Variants in NLRP5 observed in about 807,000 individuals in gnomAD.
NLRP5 encodes NACHT, LRR and PYD domains-containing protein 5.
In NLRP5, 93 loss-of-function variants were observed where a neutral mutation model predicts 113.1. That is an observed-to-expected ratio of 0.82 (90% CI 0.70 to 0.98). The LOEUF (loss-of-function observed/expected upper bound fraction) is 0.98, where lower values mean the gene tolerates loss of function less well. Ranked by LOEUF, NLRP5 falls within the 50% of genes least tolerant of loss-of-function variation. The probability of loss-of-function intolerance (pLI) is 0.00; values close to 1 mark genes in which losing one functional copy is unlikely to be tolerated. For missense variants in NLRP5, 1,808 were observed against 1,514.3 expected, an observed-to-expected ratio of 1.19 and a Z score of -3.22; for synonymous variants, 751 against 600.7, an observed-to-expected ratio of 1.25 and a Z score of -3.66.
chr19:56,020,381 C>T lies in NLRP5; in HGVS notation c.629C>T (p.Ser210Leu), dbSNP rs1453888678. ...GGAATTCATTCTTTTGCAGAAATTTCACAAGCTATGGAACAAGAAGGTGCC... is the reference window on the plus strand; with the variant it reads ...GGAATTCATTCTTTTGCAGAAATTTTACAAGCTATGGAACAAGAAGGTGCC... Residue 210 changes from serine (S) to leucine (L), a missense_variant, in exon 6 of 15, where the codon TCA (serine) becomes TTA (leucine). By Grantham distance (145) the Ser-to-Leu change is moderately radical. Transcript: ENST00000390649. The T allele has an allele frequency of 2.5e-6, 4 of 1,612,232 alleles. No homozygotes were observed. Among genetic ancestry groups the T allele is most frequent in the Non-Finnish European group, 3.4e-6 (4 of 1,179,030 alleles).
chr19:56,052,106 A>G lies in NLRP5; in HGVS notation c.3128+1518A>G, dbSNP rs1169071890. Among the ~76,000 whole-genome samples the G allele has an allele frequency of 2.0e-5, 3 of 152,172 alleles. No homozygotes were observed. The East Asian group carries it at 5.8e-4, about 29-fold the overall frequency. ...TCACCATTTATCCATGCTAGCGCCA[A>G]TGACTAGGTCACCCCTACCTGGTCT... On this transcript the variant is annotated intron_variant, in intron 12 of 14. Transcript: ENST00000390649.
At chr19:56,037,950 G>T in intron 9 of NLRP5, 75 bp from the exon 10 acceptor site, 1 of 1,488,164 alleles carries the variant, frequency 6.7e-7, no homozygotes, top group Non-Finnish European at 9.3e-7. Flanking sequence ...AGCGCTGCTG[G>T]CGTGTGCTGA....
At position 56,058,257 on chromosome 19, in the gene NLRP5, T is replaced by C; in HGVS notation, c.3317T>C (p.Leu1106Pro). ...CCCTGCAGGTTGAAGGCATGTGGACTGACTTCTGATTGCTGTGAGGCACTC... is the reference window on the plus strand; with the variant it reads ...CCCTGCAGGTTGAAGGCATGTGGACCGACTTCTGATTGCTGTGAGGCACTC... The change falls in exon 14 of 15, where the codon CTG (leucine) becomes CCG (proline). Residue 1106 changes from leucine to proline, a missense_variant. Physicochemically the swap from Leu to Pro is moderately conservative, Grantham distance 98 (BLOSUM62 -3). Coordinates refer to ENST00000390649, the MANE Select transcript of NLRP5 (RefSeq NM_153447.4). 3 of 1,613,832 alleles carry C rather than the reference T, an allele frequency of 1.9e-6. No individual in the cohort carries two copies. Among genetic ancestry groups the C allele is most frequent in the Non-Finnish European group, 2.5e-6 (3 of 1,179,796 alleles).
Position 56,050,406 on chromosome 19 carries a change from T to C in NLRP5, c.2958-12T>C, listed in dbSNP as rs759806696. On this transcript the variant is annotated splice_polypyrimidine_tract_variant and intron_variant, in intron 11 of 14. Transcript: ENST00000390649. ...GCATCACGATCTTCTTTCCCATGTGTGTGCCCCACAGGCTGAATCAGTGCC... is the reference window on the plus strand; with the variant it reads ...GCATCACGATCTTCTTTCCCATGTGCGTGCCCCACAGGCTGAATCAGTGCC... 3 of 1,612,182 alleles carry C rather than the reference T, an allele frequency of 1.9e-6. No individual in the cohort carries two copies. The highest frequency in any genetic ancestry group is 2.5e-6 in the Non-Finnish European group (3 of 1,179,324).
At chr19:56,000,724 T>C (rs1981613184) in intron 1 of NLRP5, among the ~76,000 whole-genome samples, 1 of 151,236 alleles carries the variant, frequency 6.6e-6, no homozygotes, top group South Asian at 2.1e-4. Context: ...ATATTCAAAC[T>C]TGGTCGGGTG....
At chr19:56,050,099 G>A (rs568150662) in intron 11 of NLRP5, among the ~76,000 whole-genome samples, 32 of 152,010 alleles carry the variant, frequency 2.1e-4, no homozygotes, top group South Asian at 4.2e-4. Context: ...GGTCAACATC[G>A]TAAAACCCCA....
At position 56,053,707 on chromosome 19, in the gene NLRP5, C is replaced by T. The variant is rs764936017; in HGVS notation, c.3198C>T (p.His1066=). The T allele has an allele frequency of 1.5e-5, 24 of 1,613,708 alleles. No individual in the cohort carries two copies. The highest frequency in any genetic ancestry group is 1.1e-4 in the East Asian group (5 of 44,886). Residue 1066 remains histidine, a synonymous_variant, in exon 13 of 15, where the codon CAC becomes CAT. Transcript: ENST00000390649. The stretch of plus-strand genomic sequence containing the variant: ...CCTGTGTGATCTCGAGGAGCAGACA[C>T]CTGAAGAGCCTGGATCTCACGGACA...
At chr19:55,991,615 G>A in the NLRP5 span, among the ~76,000 whole-genome samples, 3 of 152,104 alleles carry the variant, frequency 2.0e-5, no homozygotes, top group African/African-American at 7.2e-5. Flanking sequence ...ATTAGATTTT[G>A]TGTGGGATTT....
chr19:56,027,242 T>G lies in NLRP5; in HGVS notation c.1009T>G (p.Ser337Ala), dbSNP rs930447000. 4 of 1,612,630 alleles carry G rather than the reference T, an allele frequency of 2.5e-6. No homozygotes were observed. The African/African-American group carries it at 4.0e-5, about 16-fold the overall frequency. The change falls in exon 7 of 15, where the codon TCC becomes GCC. Residue 337 changes from serine to alanine, a missense_variant. By Grantham distance (99) the Ser-to-Ala change is moderately conservative. Coordinates refer to ENST00000390649, the MANE Select transcript of NLRP5 (RefSeq NM_153447.4). ...GGAGAGCAGTGTCACAGAGTTCATC[T>G]CCAGGGAGTGGCCAGACTCCCAGGC...
intron 2 of NLRP5, among the ~76,000 whole-genome samples, chr19:56,005,285 AT>A (rs547932123): frequency 2.7e-5 from 4 of 147,558 alleles, no homozygotes; most frequent in Non-Finnish European, 3.0e-5. Flanking sequence ...ATACACATAT[AT>A]TTTTATATAT....
At chr19:56,010,731 T>G in intron 3 of NLRP5, among the ~76,000 whole-genome samples, 3 of 28,872 alleles carry the variant, frequency 1.0e-4, no homozygotes, top group African/African-American at 1.5e-4. Context: ...AACAAGAGCT[T>G]AACTCTGTCT....
At chr19:56,053,052 G>A (rs553613146) in intron 12 of NLRP5, among the ~76,000 whole-genome samples, 10 of 150,454 alleles carry the variant, frequency 6.6e-5, no homozygotes, top group East Asian at 2.0e-4. Flanking sequence ...AGCCGATATC[G>A]TGCCATTGCA....
At position 56,031,291 on chromosome 19, in the gene NLRP5, G is replaced by A. The variant is rs114215287; in HGVS notation, c.2277-1320G>A. Among the ~76,000 whole-genome samples the A allele has an allele frequency of 1.1e-3, 164 of 152,062 alleles. 2 individuals carry two copies. The highest frequency in any genetic ancestry group is 3.6e-3 in the African/African-American group (150 of 41,484). ...CATCTCCCCTGCTCCCCAGGCCCCC[G>A]GCAGCCTCCACTCTACTTTCTGCTA... On this transcript the variant is annotated intron_variant, in intron 7 of 14. Coordinates refer to ENST00000390649, the MANE Select transcript of NLRP5 (RefSeq NM_153447.4).
chr19:56,052,851 G>T (rs974571174), intron 12 of NLRP5, among the ~76,000 whole-genome samples: 2 of 152,170 alleles, frequency 1.3e-5, no homozygotes, highest in African/African-American at 2.4e-5. Context: ...GGCTCTGTCA[G>T]AATCTTTCCA....
chr19:56,009,401 C>T (rs114368513), intron 3 of NLRP5, among the ~76,000 whole-genome samples: 84 of 148,530 alleles, frequency 5.7e-4, no homozygotes, highest in African/African-American at 2.1e-3. Flanking sequence ...TTGAGGACTT[C>T]CCATCGTCTT....
intron 7 of NLRP5, among the ~76,000 whole-genome samples, chr19:56,032,297 A>G (rs1235966650): frequency 6.6e-6 from 1 of 150,790 alleles, no homozygotes; most frequent in Non-Finnish European, 1.5e-5. Context: ...GTGAGCCGAG[A>G]TTGCGCCACT....
chr19:55,989,743 G>T, the NLRP5 span, among the ~76,000 whole-genome samples: 103 of 152,274 alleles, frequency 6.8e-4, 1 homozygote, highest in African/African-American at 2.3e-3. Context: ...TTTTAAGGAT[G>T]CAGGGCACGT....
At chr19:56,002,293 C>A (rs527723435) in intron 1 of NLRP5, among the ~76,000 whole-genome samples, 1 of 152,194 alleles carries the variant, frequency 6.6e-6, no homozygotes, top group Admixed American at 6.5e-5. Flanking sequence ...AGATATAAAT[C>A]CCTTATCAGA....
upstream of NLRP5, among the ~76,000 whole-genome samples, chr19:55,998,728 A>ATGTG (rs1555762463): frequency 1.5e-5 from 2 of 130,328 alleles, no homozygotes; most frequent in Admixed American, 1.6e-4. Context: ...ATATATATAT[A>ATGTG]TGTGTATATA....
Sources: gnomAD v4.1 joint callset for allele counts (sites outside exome capture counted in the v4.1 genomes callset) on GRCh38, gnomAD v4.1.1 for gene constraint, MANE v1.5 for transcripts, NCBI Gene and HGNC (gene_info 2026-07-23, HGNC 2026-07-21) for gene names.